The following CNTN1 variants were observed in gnomAD, a reference collection of about 807,000 sequenced individuals.
The protein encoded by CNTN1 is contactin-1.
Under a neutral mutation model 126.4 loss-of-function variants are expected in CNTN1, and 38 were observed. That is an observed-to-expected ratio of 0.30 (90% CI 0.23 to 0.39). CNTN1 has a LOEUF of 0.39. Ranked by LOEUF, CNTN1 falls within the 10% of genes least tolerant of loss-of-function variation. The pLI is 1.00. For missense variants in CNTN1, 1,009 were observed against 1,248.4 expected (o/e 0.81, Z 2.89); for synonymous variants, 413 against 422.6 (o/e 0.98, Z 0.28).
At chr12:40,698,228 A>ATTTTTT (rs35570862) in intron 1 of CNTN1, among the ~76,000 whole-genome samples, 24 of 69,866 alleles carry the variant, frequency 3.4e-4, no homozygotes, top group South Asian at 1.4e-3. Flanking sequence ...CAGCCACTTA[A>ATTTTTT]TTTTTTTTTT....
chr12:40,879,482 G>A (rs12320037), intron 1 of CNTN1, among the ~76,000 whole-genome samples: 14,413 of 152,052 alleles, frequency 0.095, 878 homozygotes, highest in African/African-American at 0.16. Context: ...GCTGAACCAA[G>A]AATGTTCTCC....
chr12:40,981,211 T>C, intron 16 of CNTN1, 144 bp downstream of exon 16: 1 of 733,446 alleles, frequency 1.4e-6, no homozygotes. Flanking sequence ...ATTCTAATAT[T>C]TTGGTAATGA....
At chr12:40,733,272 A>AT (rs201803288) in intron 1 of CNTN1, among the ~76,000 whole-genome samples, 2 of 151,676 alleles carry the variant, frequency 1.3e-5, no homozygotes, top group African/African-American at 2.4e-5. Context: ...ATAAGGCTAT[A>AT]TTTTTTTTGC....
Position 40,908,462 on chromosome 12 carries a change from T to C in CNTN1, c.30T>C (p.Leu10=). The C allele has an allele frequency of 1.2e-6, 2 of 1,612,558 alleles. No homozygotes were observed. Among genetic ancestry groups the C allele is most frequent in the Non-Finnish European group, 1.7e-6 (2 of 1,179,092 alleles). Residue 10 remains leucine, a synonymous_variant, in exon 2 of 24, where the codon CTT becomes CTC. Transcript: ENST00000551295. ...AAATGTGGTTGCTGGTCAGTCATCT[T>C]GTGATAATATCTATTACTACCTGTT... MKMWLLVSH[L]VIISITTCLA... is the part of the protein sequence containing the mutation.
chr12:41,009,620 C>T (rs924086585), intron 17 of CNTN1, among the ~76,000 whole-genome samples: 7 of 152,282 alleles, frequency 4.6e-5, no homozygotes, highest in African/African-American at 1.7e-4. Context: ...GTCTTCATTC[C>T]CCATTGAGTT....
Position 40,924,188 on chromosome 12 carries a change from TCTTA to T in CNTN1, c.401-361_401-358del, listed in dbSNP as rs1375910551. On this transcript the variant is annotated intron_variant, in intron 5 of 23. Transcript: ENST00000551295. ...GAGTCCATTCCTCTAAGTCATTCCT[TCTTA>T]CTTACTTTCTTTGGTAGGTCCCTGG... Among the ~76,000 whole-genome samples, 9 of 152,226 alleles carry T rather than the reference TCTTA, an allele frequency of 5.9e-5. No homozygotes were observed. In the East Asian group the frequency reaches 1.4e-3, roughly 23 times the overall value.
intron 1 of CNTN1, among the ~76,000 whole-genome samples, chr12:40,780,698 A>AG (rs1284211391): frequency 6.6e-6 from 1 of 150,506 alleles, no homozygotes; most frequent in African/African-American, 2.4e-5. Flanking sequence ...AAAAAAAAAA[A>AG]AAAAACACCA....
chr12:41,041,657 T>C (rs1348813399), intron 23 of CNTN1, among the ~76,000 whole-genome samples: 1 of 152,196 alleles, frequency 6.6e-6, no homozygotes, highest in Non-Finnish European at 1.5e-5. Context: ...GGTGTATGTG[T>C]CAAGGAATTT....
At chr12:40,729,715 C>G in intron 1 of CNTN1, 1 of 206,050 alleles carries the variant, frequency 4.9e-6, no homozygotes. Context: ...TACAATCAAG[C>G]CATGTATTTA....
chr12:40,695,338 T>C (rs1448654146), intron 1 of CNTN1, among the ~76,000 whole-genome samples: 1 of 152,200 alleles, frequency 6.6e-6, no homozygotes, highest in Admixed American at 6.5e-5. Context: ...TGAGGAGTAA[T>C]GGATGACATA....
chr12:40,866,639 T>C (rs1943308751), intron 1 of CNTN1, among the ~76,000 whole-genome samples: 1 of 152,176 alleles, frequency 6.6e-6, no homozygotes, highest in Non-Finnish European at 1.5e-5. Flanking sequence ...TAAACTAACA[T>C]TGTGTTATTG....
intron 15 of CNTN1, among the ~76,000 whole-genome samples, chr12:40,964,278 A>G (rs1156601040): frequency 6.6e-6 from 1 of 152,186 alleles, no homozygotes; most frequent in African/African-American, 2.4e-5. Flanking sequence ...AAAACAAACA[A>G]AAGAAAAAGA....
intron 23 of CNTN1, among the ~76,000 whole-genome samples, chr12:41,029,623 G>A (rs1452093119): frequency 2.0e-5 from 3 of 151,896 alleles, no homozygotes; most frequent in Non-Finnish European, 4.4e-5. Context: ...CAAATAAAAA[G>A]CACAATTAAA....
At chr12:41,000,744 G>T (rs1948337943) in intron 17 of CNTN1, among the ~76,000 whole-genome samples, 1 of 152,094 alleles carries the variant, frequency 6.6e-6, no homozygotes, top group Admixed American at 6.6e-5. Flanking sequence ...ATTAAGCATA[G>T]TACCCATTAG....
At chr12:40,754,239 C>T (rs2136403052) in intron 1 of CNTN1, among the ~76,000 whole-genome samples, 1 of 152,130 alleles carries the variant, frequency 6.6e-6, no homozygotes, top group East Asian at 1.9e-4. Context: ...AAATACCTTT[C>T]ATATACTACT....
intron 16 of CNTN1, among the ~76,000 whole-genome samples, chr12:40,984,020 TACTC>T (rs913870972): frequency 3.4e-4 from 50 of 148,538 alleles, no homozygotes; most frequent in East Asian, 7.8e-4. Flanking sequence ...TTAAATATAT[TACTC>T]ACACACAGAG....
intron 1 of CNTN1, among the ~76,000 whole-genome samples, chr12:40,762,930 G>A (rs994785113): frequency 2.6e-5 from 4 of 152,226 alleles, no homozygotes; most frequent in Non-Finnish European, 5.9e-5. Context: ...CAGTGTTGGA[G>A]GTGGGGCCTA....
chr12:41,058,326 A>C (rs181504648), intron 23 of CNTN1, among the ~76,000 whole-genome samples: 8 of 152,246 alleles, frequency 5.3e-5, no homozygotes, highest in Non-Finnish European at 1.0e-4. Context: ...AATGAGTATA[A>C]TAAGACACAA....
At chr12:41,065,529 C>G (rs1274852183) in intron 23 of CNTN1, among the ~76,000 whole-genome samples, 2 of 152,160 alleles carry the variant, frequency 1.3e-5, no homozygotes, top group African/African-American at 4.8e-5. Flanking sequence ...GGAGAAGTGT[C>G]TTATGTAAGG....
Sources: gnomAD v4.1 joint callset for allele counts (sites outside exome capture counted in the v4.1 genomes callset) on GRCh38, gnomAD v4.1.1 for gene constraint, MANE v1.5 for transcripts, NCBI Gene and HGNC (gene_info 2026-07-23, HGNC 2026-07-21) for gene names.